Variants in POLR2F observed in about 807,000 individuals in gnomAD.
POLR2F encodes the protein RNA polymerase II, I and III subunit F, also known as DNA-directed RNA polymerases I, II, and III subunit RPABC2.
POLR2F carries 12 observed loss-of-function variants against 22.7 expected under a neutral mutation model. The observed-to-expected ratio is 0.53, with a 90% CI of 0.34 to 0.86. The LOEUF (loss-of-function observed/expected upper bound fraction) is 0.86, where lower values mean the gene tolerates loss of function less well. Among genes scored for constraint, POLR2F ranks in the 40% least tolerant of loss-of-function variants. POLR2F has a pLI of 0.02. For synonymous variants in POLR2F, 57 were observed against 66.0 expected, an observed-to-expected ratio of 0.86 and a Z score of 0.66; for missense variants, 126 against 171.5, an observed-to-expected ratio of 0.73 and a Z score of 1.48.
intron 3 of POLR2F, among the ~76,000 whole-genome samples, chr22:37,964,576 T>C (rs1171089772): frequency 4.0e-5 from 6 of 149,396 alleles, no homozygotes; most frequent in South Asian, 2.1e-4. Context: ...TTCTTTCTTT[T>C]TTTTTTTTTT....
chr22:38,035,063 C>G (rs527872545), intron 5 of POLR2F, among the ~76,000 whole-genome samples: 1 of 152,290 alleles, frequency 6.6e-6, no homozygotes, highest in East Asian at 1.9e-4. Flanking sequence ...GCCCATCCCT[C>G]CATAACACAC....
rs958682397 is a variant in POLR2F at position 37,978,191 on chromosome 22, G to C, written c.293+11021G>C. On this transcript the variant is annotated intron_variant, in intron 4 of 4. Transcript: ENST00000405557. The surrounding 1 kb of genome is among the most constrained non-coding windows in gnomAD (Gnocchi z 5.0). ...CAGAGGGGCTGGCGTGAATGCCAGAGCACTCCAGGTTGGCCTCCCTCTGAG... is the reference window on the plus strand; with the variant it reads ...CAGAGGGGCTGGCGTGAATGCCAGACCACTCCAGGTTGGCCTCCCTCTGAG... The C allele has an allele frequency of 1.4e-6, 2 of 1,462,476 alleles. No homozygotes were observed. The highest frequency in any genetic ancestry group is 2.8e-5 in the African/African-American group (2 of 71,316). 90.6% of individuals were successfully genotyped at this position (1,462,476 alleles called of 1,614,324 possible). A position where few individuals can be genotyped will look rare whatever the true frequency, so the allele number is the denominator to read the frequency against.
At chr22:38,022,735 A>G (rs914767117) in intron 1 of POLR2F, among the ~76,000 whole-genome samples, 1 of 151,940 alleles carries the variant, frequency 6.6e-6, no homozygotes, top group Non-Finnish European at 1.5e-5. Flanking sequence ...TAAGTGGGCC[A>G]GATGAGGTGG....
At chr22:38,023,103 C>G (rs937613573) in intron 1 of POLR2F, among the ~76,000 whole-genome samples, 1 of 152,174 alleles carries the variant, frequency 6.6e-6, no homozygotes, top group Non-Finnish European at 1.5e-5. Context: ...TTTGTGTTCC[C>G]CTTGGGGTGT....
upstream of POLR2F, chr22:37,983,654 G>T (rs747377284): frequency 3.1e-6 from 5 of 1,594,206 alleles, no homozygotes; most frequent in Non-Finnish European, 4.3e-6. The surrounding 1 kb of genome is among the most constrained non-coding windows in gnomAD (Gnocchi z 9.5). Context: ...CCCCGGGCTG[G>T]CTCGCAGGCC....
chr22:37,999,989 G>A (rs1192327911), intron 1 of POLR2F, among the ~76,000 whole-genome samples: 1 of 152,182 alleles, frequency 6.6e-6, no homozygotes. Flanking sequence ...CCCGCTAGGC[G>A]AATCGCAGGG....
At chr22:38,018,005 C>T (rs2084929337) in intron 1 of POLR2F, among the ~76,000 whole-genome samples, 1 of 152,192 alleles carries the variant, frequency 6.6e-6, no homozygotes, top group African/African-American at 2.4e-5. Flanking sequence ...GGAACGTTAT[C>T]CAGATCCTCC....
chr22:38,041,128 G>A (rs370748625), downstream of POLR2F: 13 of 1,612,604 alleles, frequency 8.1e-6, no homozygotes, highest in African/African-American at 9.3e-5. Flanking sequence ...CATGGTGGAC[G>A]GAAGTACATG....
Position 37,953,723 on chromosome 22 carries a change from G to T in POLR2F, c.-65G>T, listed in dbSNP as rs773526586. On this transcript the variant is annotated 5_prime_UTR_variant, in exon 1 of 5. Transcript: ENST00000442738. ...TAAGCTAGGAGCCGCGCGAGTCGTA[G>T]TGTCGCTGTTTGCGGGTCTCCGCGC... is the stretch of plus-strand genomic sequence containing the variant. 6.5e-5 allele frequency: 103 copies of T among 1,576,604 alleles called. No individual in the cohort carries two copies. The highest frequency in any genetic ancestry group is 8.7e-5 in the Non-Finnish European group (101 of 1,164,160).
chr22:37,970,439 TAA>T (rs139882), downstream of POLR2F, among the ~76,000 whole-genome samples: 6 of 128,866 alleles, frequency 4.7e-5, no homozygotes, highest in Admixed American at 1.6e-4. Context: ...TGTCTCTACT[TAA>T]AAAAAAAAAA....
chr22:37,985,701 G>A (rs1407491263), upstream of POLR2F, among the ~76,000 whole-genome samples: 1 of 152,094 alleles, frequency 6.6e-6, no homozygotes, highest in Non-Finnish European at 1.5e-5. Context: ...AAGGGTCTGG[G>A]GAGGCAAGGC....
rs569138993 is a variant in POLR2F at position 38,033,887 on chromosome 22, G to A, written c.453-7181G>A. Among the ~76,000 whole-genome samples the A allele has an allele frequency of 7.9e-5, 12 of 152,228 alleles. No individual in the cohort carries two copies. In the East Asian group the frequency reaches 1.9e-3, roughly 25 times the overall value. ...TGTGACGTGGACGAGGGCACTGGGC[G>A]ACTCCTCATGACCCATGCTGACTCT... On this transcript the variant is annotated intron_variant, in intron 5 of 5. Transcript: ENST00000407936.
intron 3 of POLR2F, among the ~76,000 whole-genome samples, chr22:37,965,017 G>T (rs903616122): frequency 3.9e-5 from 6 of 152,148 alleles, no homozygotes; most frequent in Admixed American, 1.3e-4. Flanking sequence ...CTCTGCACTT[G>T]GTAGGTGCAG....
At chr22:37,972,124 G>A, downstream of POLR2F, 1 of 362,884 alleles carries the variant, frequency 2.8e-6, no homozygotes, top group South Asian at 2.0e-5. Context: ...GGAGAGAAGG[G>A]AGGGGGGAGA....
chr22:37,986,205 AGGGAC>A lies in POLR2F; in HGVS notation c.15_19del (p.Gly6GlufsTer58). 1 of 1,542,120 alleles carries A rather than the reference AGGGAC, an allele frequency of 6.5e-7. No homozygotes were observed. The highest frequency in any genetic ancestry group is 8.7e-7 in the Non-Finnish European group (1 of 1,147,496). ...GAGAGGAGCCGCCCTGGATGGACAG[AGGGAC>A]GAGGGACGAGCATCTGCCGTCGTGT... On this transcript the variant is annotated frameshift_variant, in exon 1 of 3. Coordinates refer to the POLR2F transcript ENST00000333418. LOFTEE classifies it high-confidence loss of function. This position sits in a 1 kb window ranked among gnomAD's most constrained non-coding sequence, Gnocchi z 4.7.
intron 1 of POLR2F, 167 bp downstream of exon 1, chr22:37,953,974 C>T: frequency 1.3e-6 from 1 of 770,260 alleles, no homozygotes; most frequent in Non-Finnish European, 2.0e-6. Flanking sequence ...CCCAGGAGCA[C>T]AGCCCCGGCT....
intron 1 of POLR2F, among the ~76,000 whole-genome samples, chr22:38,005,253 G>T (rs146933329): frequency 6.6e-6 from 1 of 152,340 alleles, no homozygotes; most frequent in East Asian, 1.9e-4. Flanking sequence ...CTCCCGAGTA[G>T]CTGGGACTAC....
At chr22:37,956,054 CTT>C (rs902547570) in intron 1 of POLR2F, among the ~76,000 whole-genome samples, 12 of 150,618 alleles carry the variant, frequency 8.0e-5, no homozygotes, top group Non-Finnish European at 1.8e-4. Flanking sequence ...TCTCTGCCCT[CTT>C]TGATTTTTTT....
rs1368899968 is a variant in POLR2F at position 37,986,362 on chromosome 22, A to G, written c.120+50A>G. On this transcript the variant is annotated intron_variant, in intron 1 of 2. Transcript: ENST00000333418. This position sits in a 1 kb window ranked among gnomAD's most constrained non-coding sequence, Gnocchi z 4.7. The stretch of plus-strand genomic sequence containing the variant: ...CCCTCAGTTCCTCCTCTTTGAGGAA[A>G]GGACCTCCCCGCTCTCTGCTGTGTC... 3.9e-6 allele frequency: 6 copies of G among 1,528,374 alleles called. No homozygotes were observed. Among genetic ancestry groups the G allele is most frequent in the South Asian group, 1.2e-5 (1 of 82,770 alleles). 94.7% of individuals were successfully genotyped at this position (1,528,374 alleles called of 1,614,324 possible).
Sources: gnomAD v4.1 joint callset for allele counts (sites outside exome capture counted in the v4.1 genomes callset) on GRCh38, gnomAD v4.1.1 for gene constraint, Gnocchi (gnomAD v3.1) non-coding constraint, MANE v1.5 for transcripts, NCBI Gene and HGNC (gene_info 2026-07-23, HGNC 2026-07-21) for gene names.